The following LRFN2 variants were observed in gnomAD, a reference collection of about 807,000 sequenced individuals.
The protein encoded by LRFN2 is leucine rich repeat and fibronectin type III domain containing 2, also known as leucine-rich repeat and fibronectin type-III domain-containing protein 2.
Under a neutral mutation model 37.3 loss-of-function variants are expected in LRFN2, and 18 were observed. The observed-to-expected ratio is 0.48, with a 90% CI of 0.33 to 0.72. The LOEUF is 0.72. Ranked by LOEUF, LRFN2 falls within the 30% of genes least tolerant of loss-of-function variation. The pLI, the probability that LRFN2 is intolerant of heterozygous loss-of-function variation, is 0.02. For synonymous variants in LRFN2, 556 were observed against 466.6 expected (o/e 1.19, Z -2.47); for missense variants, 1,006 against 1,060.7 (o/e 0.95, Z 0.72).
At position 40,472,469 on chromosome 6, in the gene LRFN2, A is replaced by G. The variant is rs182919173; in HGVS notation, c.-18-39338T>C. 3.0e-3 allele frequency among the ~76,000 whole-genome samples: 454 copies of G among 152,366 alleles called. 7 individuals are homozygous for G. The highest frequency in any genetic ancestry group is 6.8e-3 in the East Asian group (35 of 5,174). On this transcript the variant is annotated intron_variant, in intron 1 of 2. Transcript: ENST00000338305. ...GGGAGGATTTAGGAGTGCAGAGAGC[A>G]GAGAAGCTGCTTTGGGCATTTTCAG... is the stretch of plus-strand genomic sequence containing the variant.
chr6:40,572,448 C>T (rs114202203), intron 1 of LRFN2, among the ~76,000 whole-genome samples: 244 of 152,222 alleles, frequency 1.6e-3, no homozygotes, highest in African/African-American at 5.7e-3. Context: ...TAAAGACAAC[C>T]ATGAAATGCT....
chr6:40,567,920 C>T (rs1244580692), intron 1 of LRFN2, among the ~76,000 whole-genome samples: 3 of 152,172 alleles, frequency 2.0e-5, no homozygotes, highest in Admixed American at 2.0e-4. Context: ...CAACTGCCAT[C>T]ACATTCTTCA....
chr6:40,566,438 T>A (rs1410488193), intron 1 of LRFN2, among the ~76,000 whole-genome samples: 2 of 152,210 alleles, frequency 1.3e-5, no homozygotes. Flanking sequence ...TGCACACGTA[T>A]GTTTATTGCC....
intron 1 of LRFN2, among the ~76,000 whole-genome samples, chr6:40,556,505 ACCTGCAC>A (rs1384597265): frequency 6.6e-6 from 1 of 152,000 alleles, no homozygotes; most frequent in Non-Finnish European, 1.5e-5. Context: ...GAAGGAGCTC[ACCTGCAC>A]CCTGATTCTG....
At chr6:40,536,081 C>G (rs192049155) in intron 1 of LRFN2, among the ~76,000 whole-genome samples, 1 of 152,032 alleles carries the variant, frequency 6.6e-6, no homozygotes, top group African/African-American at 2.4e-5. Flanking sequence ...GACCAGTCAC[C>G]GGAGGTTCTG....
At chr6:40,472,919 C>A (rs1225947935) in intron 1 of LRFN2, among the ~76,000 whole-genome samples, 2 of 152,106 alleles carry the variant, frequency 1.3e-5, no homozygotes, top group African/African-American at 4.8e-5. Context: ...GCATTCACAC[C>A]CTTCATTCAC....
At chr6:40,445,208 G>A (rs77519056) in intron 1 of LRFN2, among the ~76,000 whole-genome samples, 5 of 152,320 alleles carry the variant, frequency 3.3e-5, no homozygotes, top group Admixed American at 6.5e-5. Context: ...TATCTACAGG[G>A]TGTCTGGTGT....
intron 1 of LRFN2, among the ~76,000 whole-genome samples, chr6:40,537,744 G>T (rs1011718121): frequency 6.6e-6 from 1 of 152,014 alleles, no homozygotes; most frequent in East Asian, 1.9e-4. Context: ...CCACAGCCTC[G>T]GTGTCCAGTT....
At chr6:40,415,571 C>T (rs1763077037) in intron 2 of LRFN2, among the ~76,000 whole-genome samples, 1 of 152,150 alleles carries the variant, frequency 6.6e-6, no homozygotes, top group Admixed American at 6.5e-5. Context: ...GGAAGCCTTC[C>T]CTGGCTTCCC....
At chr6:40,538,282 A>G (rs1332878015) in intron 1 of LRFN2, among the ~76,000 whole-genome samples, 1 of 152,106 alleles carries the variant, frequency 6.6e-6, no homozygotes, top group Non-Finnish European at 1.5e-5. Flanking sequence ...GGGAAGCCCC[A>G]GAGCCAACAG....
At chr6:40,466,814 G>T (rs1326999125) in intron 1 of LRFN2, among the ~76,000 whole-genome samples, 1 of 152,142 alleles carries the variant, frequency 6.6e-6, no homozygotes, top group Non-Finnish European at 1.5e-5. Context: ...AAGCCCAAGT[G>T]CCTGAGAAAT....
chr6:40,560,890 CAG>C (rs1225047416), intron 1 of LRFN2, among the ~76,000 whole-genome samples: 1 of 152,170 alleles, frequency 6.6e-6, no homozygotes, highest in East Asian at 1.9e-4. Flanking sequence ...AAAGTCCTAA[CAG>C]ATTATCTAGA....
Position 40,432,474 on chromosome 6 carries a change from G to A in LRFN2, c.640C>T (p.Pro214Ser), listed in dbSNP as rs966915424. 6.2e-7 allele frequency: 1 copy of A among 1,614,228 alleles called. No homozygotes were observed. The highest frequency in any genetic ancestry group is 8.5e-7 in the Non-Finnish European group (1 of 1,180,048). ...LTSNRLQKLP[P>S]DPIFARSQAS... Reference sequence around the variant, plus strand: ...TGGGAGCGGGCAAAGATGGGATCAGGGGGCAGCTTCTGCAGCCGATTGGAG... The same window carrying A: ...TGGGAGCGGGCAAAGATGGGATCAGAGGGCAGCTTCTGCAGCCGATTGGAG... Residue 214 changes from proline to serine, a missense_variant, in exon 2 of 3, where the codon CCT (proline) becomes TCT (serine). By Grantham distance (74) the Pro-to-Ser change is moderately conservative. Transcript: ENST00000338305.
At chr6:40,511,537 G>A (rs1029540997) in intron 1 of LRFN2, among the ~76,000 whole-genome samples, 1 of 152,160 alleles carries the variant, frequency 6.6e-6, no homozygotes, top group African/African-American at 2.4e-5. Flanking sequence ...CTGAGCCCAG[G>A]CCACCCAGCT....
intron 1 of LRFN2, among the ~76,000 whole-genome samples, chr6:40,457,636 T>TGAAA (rs1268759929): frequency 1.3e-5 from 1 of 75,790 alleles, no homozygotes; most frequent in Non-Finnish European, 3.3e-5. Context: ...AAGACCCTGT[T>TGAAA]TAAAAAAAAA....
intron 2 of LRFN2, among the ~76,000 whole-genome samples, chr6:40,393,630 A>T (rs186477358): frequency 1.3e-5 from 2 of 152,282 alleles, no homozygotes; most frequent in East Asian, 3.9e-4. Context: ...GCCTGCTACA[A>T]GTATTCCCTC....
At chr6:40,497,253 C>G (rs1015333881) in intron 1 of LRFN2, among the ~76,000 whole-genome samples, 4 of 152,164 alleles carry the variant, frequency 2.6e-5, no homozygotes, top group African/African-American at 9.7e-5. Flanking sequence ...TGTCCCTTAC[C>G]AGCAAACCAC....
chr6:40,553,621 A>G (rs978832944), intron 1 of LRFN2, among the ~76,000 whole-genome samples: 9 of 152,244 alleles, frequency 5.9e-5, no homozygotes, highest in Non-Finnish European at 1.2e-4. Context: ...GAGCCAGCAC[A>G]TAGCAAATGC....
intron 2 of LRFN2, among the ~76,000 whole-genome samples, chr6:40,415,052 C>T (rs942001865): frequency 5.3e-5 from 8 of 152,192 alleles, no homozygotes; most frequent in African/African-American, 7.2e-5. Flanking sequence ...CCAGACCCCA[C>T]ATCTGCAAAG....
Sources: gnomAD v4.1 joint callset for allele counts (sites outside exome capture counted in the v4.1 genomes callset) on GRCh38, gnomAD v4.1.1 for gene constraint, MANE v1.5 for transcripts, NCBI Gene and HGNC (gene_info 2026-07-23, HGNC 2026-07-21) for gene names.